NALCN: variants seen among roughly 807,000 people sequenced by gnomAD.
The protein encoded by NALCN is sodium leak channel NALCN.
Under a neutral mutation model 225.3 loss-of-function variants are expected in NALCN, and 111 were observed. That is an observed-to-expected ratio of 0.49 (90% CI 0.42 to 0.58). The LOEUF (loss-of-function observed/expected upper bound fraction) is 0.58, where lower values mean the gene tolerates loss of function less well. NALCN is among the 20% of genes least tolerant of loss of function. NALCN has a pLI of 0.00. For missense variants in NALCN, 1,378 were observed against 2,202.4 expected (o/e 0.63, Z 7.49); for synonymous variants, 764 against 769.0 (o/e 0.99, Z 0.11).
chr13:101,293,231 A>G (rs1377546988), intron 7 of NALCN, among the ~76,000 whole-genome samples: 1 of 152,184 alleles, frequency 6.6e-6, no homozygotes, highest in Non-Finnish European at 1.5e-5. Context: ...CCTCTTTAAT[A>G]GTCTTTCTGT....
chr13:101,222,368 C>T (rs375100379), intron 13 of NALCN, among the ~76,000 whole-genome samples: 11 of 152,244 alleles, frequency 7.2e-5, no homozygotes, highest in Admixed American at 5.2e-4. Flanking sequence ...CGCTATCTCT[C>T]TTCATAGATG....
intron 6 of NALCN, chr13:101,373,191 G>A (rs552711163): frequency 5.8e-5 from 12 of 207,460 alleles, no homozygotes; most frequent in South Asian, 3.1e-4. Context: ...AATGAAAAAC[G>A]TTCTCACAAA....
chr13:101,074,786 A>T (rs767187327), intron 35 of NALCN, 124 bp from the exon 36 acceptor site: 5 of 1,148,272 alleles, frequency 4.4e-6, no homozygotes, highest in African/African-American at 1.5e-5. Flanking sequence ...GTAGCAACTA[A>T]TCTTTAAGCA....
At chr13:101,346,093 A>C (rs775574937) in intron 6 of NALCN, among the ~76,000 whole-genome samples, 7,114 of 86,614 alleles carry the variant, frequency 0.082, 221 homozygotes, top group South Asian at 0.13. Flanking sequence ...CTCTCTATAT[A>C]TATATATATA....
chr13:101,225,053 G>A (rs1452659509), intron 13 of NALCN, among the ~76,000 whole-genome samples: 1 of 152,044 alleles, frequency 6.6e-6, no homozygotes, highest in Middle Eastern at 3.2e-3. Flanking sequence ...CGCTGCCCCT[G>A]GTGCCCAACT....
At chr13:101,099,241 A>G (rs2034678893) in intron 27 of NALCN, among the ~76,000 whole-genome samples, 1 of 151,988 alleles carries the variant, frequency 6.6e-6, no homozygotes, top group African/African-American at 2.4e-5. Context: ...TTGATACGGC[A>G]TGACCGTCAG....
At chr13:101,133,787 G>A (rs2139742136) in intron 17 of NALCN, among the ~76,000 whole-genome samples, 1 of 152,286 alleles carries the variant, frequency 6.6e-6, no homozygotes, top group East Asian at 1.9e-4. Flanking sequence ...ATATAAAGGT[G>A]AATACCATTA....
At chr13:101,353,911 A>T (rs2045975997) in intron 6 of NALCN, among the ~76,000 whole-genome samples, 1 of 152,208 alleles carries the variant, frequency 6.6e-6, no homozygotes, top group Non-Finnish European at 1.5e-5. Flanking sequence ...TAGCTTTTTA[A>T]AATAATATAT....
chr13:101,142,955 G>A, intron 17 of NALCN, 125 bp downstream of exon 17: 1 of 1,298,514 alleles, frequency 7.7e-7, no homozygotes. Context: ...TTTTACAAAT[G>A]AAATCATTTT....
chr13:101,189,509 G>A (rs1055210259), intron 14 of NALCN, among the ~76,000 whole-genome samples: 9 of 152,194 alleles, frequency 5.9e-5, no homozygotes, highest in African/African-American at 2.2e-4. Flanking sequence ...GAAACTGGGT[G>A]TATTGTGAAT....
chr13:101,260,435 G>A (rs1214804354), intron 10 of NALCN, among the ~76,000 whole-genome samples: 1 of 152,106 alleles, frequency 6.6e-6, no homozygotes, highest in African/African-American at 2.4e-5. Flanking sequence ...AGTTTTTTGA[G>A]GAATGTTCAA....
intron 7 of NALCN, among the ~76,000 whole-genome samples, chr13:101,328,754 C>A (rs1047099405): frequency 1.3e-5 from 2 of 152,126 alleles, no homozygotes; most frequent in African/African-American, 2.4e-5. Context: ...TCCTATGACA[C>A]TCTGTGATAT....
rs1169730118 is a variant in NALCN, at chr13:101,397,109, T to TATATAC, written c.109-1745_109-1744insGTATAT. Among the ~76,000 whole-genome samples, 615 of 80,494 alleles carry TATATAC rather than the reference T, an allele frequency of 7.6e-3. 7 individuals carry two copies. Among genetic ancestry groups the TATATAC allele is most frequent in the Non-Finnish European group, 0.012 (479 of 39,690 alleles). The allele number at this position is 80,494 out of a possible 152,430, so 52.8% of individuals were successfully genotyped here. A position where few individuals can be genotyped will look rare whatever the true frequency, so the allele number is the denominator to read the frequency against. On this transcript the variant is annotated intron_variant, in intron 2 of 43. Transcript: ENST00000251127. Reference sequence around the variant, plus strand: ...ATATATATATATATATATATATATATACATACACATACATATATATAATGT... The same window carrying TATATAC: ...ATATATATATATATATATATATATATATATACACATACACATACATATATATAATGT...
chr13:101,143,185 T>C lies in NALCN; in HGVS notation c.2013A>G (p.Gln671=), dbSNP rs1194918424. The C allele has an allele frequency of 1.2e-6, 2 of 1,612,732 alleles. No homozygotes were observed. The highest frequency in any genetic ancestry group is 1.7e-5 in the Admixed American group (1 of 59,732). Residue 671 remains glutamine (Q), a synonymous_variant, in exon 17 of 44, where the codon CAA becomes CAG. Coordinates refer to ENST00000251127, the MANE Select transcript of NALCN (RefSeq NM_052867.4). ...SFMKQFIDRQ[Q]QDTCCLLRSL... ...TTCTCAGGAGGCAACATGTGTCCTG[T>C]TGCTGGCGGTCAATAAACTGCTTCA...
rs1172867534 is a variant in NALCN at position 101,376,726 on chromosome 13, G to A, written c.618C>T (p.His206=). 4 of 1,609,230 alleles carry A rather than the reference G, an allele frequency of 2.5e-6. No homozygotes were observed. The highest frequency in any genetic ancestry group is 3.4e-5 in the Admixed American group (2 of 58,440). Residue 206 remains histidine (H), a synonymous_variant, in exon 6 of 44, where the codon CAC becomes CAT. Transcript: ENST00000251127. The part of the protein sequence containing the change: ...GVQMFGTFTY[H]CVVNDTKPGN... ...CTGGCTTTGTGTCATTTACAACACA[G>A]TGATAAGTAAATGTTCCAAACATCT...
chr13:101,115,546 A>G (rs918841242), intron 18 of NALCN, among the ~76,000 whole-genome samples: 4 of 152,222 alleles, frequency 2.6e-5, no homozygotes, highest in African/African-American at 9.7e-5. Context: ...TACATCCTTA[A>G]AGTTACGAAG....
chr13:101,216,455 G>C (rs1471374992), intron 13 of NALCN, among the ~76,000 whole-genome samples: 5 of 152,024 alleles, frequency 3.3e-5, no homozygotes, highest in Non-Finnish European at 4.4e-5. Flanking sequence ...AGGGACTTCA[G>C]GTCTATTGCA....
chr13:101,273,460 A>G (rs2042865409), intron 10 of NALCN, among the ~76,000 whole-genome samples: 1 of 152,226 alleles, frequency 6.6e-6, no homozygotes, highest in African/African-American at 2.4e-5. Context: ...TTAATACCAC[A>G]TAAAAGAATT....
Position 101,194,904 on chromosome 13 carries a change from T to C in NALCN, c.1627-2850A>G, listed in dbSNP as rs2039827868. Among the ~76,000 whole-genome samples the C allele has an allele frequency of 2.0e-5, 3 of 152,272 alleles. No individual in the cohort carries two copies. The East Asian group carries it at 5.8e-4, about 29-fold the overall frequency. Reference sequence around the variant, plus strand: ...CTGTAATCCCAGCTACTCGGGAGGCTGAGGAAGAAGAATTGCTTGAACCTG... The same window carrying C: ...CTGTAATCCCAGCTACTCGGGAGGCCGAGGAAGAAGAATTGCTTGAACCTG... On this transcript the variant is annotated intron_variant, in intron 13 of 43. Coordinates refer to ENST00000251127, the MANE Select transcript of NALCN (RefSeq NM_052867.4).
Sources: allele counts gnomAD v4.1 joint callset (sites outside exome capture counted in the v4.1 genomes callset), GRCh38; gene constraint gnomAD v4.1.1; transcripts MANE v1.5; gene names NCBI Gene and HGNC (gene_info 2026-07-23, HGNC 2026-07-21).